UGT1A7: variants seen among roughly 807,000 people sequenced by gnomAD.
The protein encoded by UGT1A7 is UDP glucuronosyltransferase family 1 member A7.
In UGT1A7, 33 loss-of-function variants were observed where a neutral mutation model predicts 45.6. The observed-to-expected ratio is 0.72, with a 90% CI of 0.55 to 0.97. The LOEUF is 0.97. Ranked by LOEUF, UGT1A7 falls within the 50% of genes least tolerant of loss-of-function variation. UGT1A7 has a pLI of 0.00. For synonymous variants in UGT1A7, 274 were observed against 250.6 expected (o/e 1.09, Z -0.88); for missense variants, 684 against 666.2 (o/e 1.03, Z -0.29).
At chr2:233,756,457 C>A (rs1258626961) in intron 1 of UGT1A7, 1 of 151,910 alleles carries the variant, frequency 6.6e-6, no homozygotes, top group Non-Finnish European at 1.5e-5. Context: ...CAAATATTTT[C>A]AATCTGCTGT....
At chr2:233,726,457 C>G (rs1196256616) in intron 1 of UGT1A7, among the ~76,000 whole-genome samples, 2 of 152,164 alleles carry the variant, frequency 1.3e-5, no homozygotes, top group Admixed American at 1.3e-4. Context: ...TGAATGTAAG[C>G]TCATTTCTTT....
chr2:233,708,078 C>T (rs2076003299), intron 1 of UGT1A7, among the ~76,000 whole-genome samples: 1 of 152,190 alleles, frequency 6.6e-6, no homozygotes, highest in South Asian at 2.1e-4. Flanking sequence ...TTGCTTTTTA[C>T]TTTTATTCAA....
chr2:233,730,990 C>T (rs2078094709), intron 1 of UGT1A7, among the ~76,000 whole-genome samples: 1 of 152,140 alleles, frequency 6.6e-6, no homozygotes, highest in Non-Finnish European at 1.5e-5. Context: ...TTTCTTATTC[C>T]TTGCTGTGCC....
At chr2:233,748,119 A>G (rs1693871947) in intron 1 of UGT1A7, 2 of 1,611,514 alleles carry the variant, frequency 1.2e-6, no homozygotes, top group Admixed American at 1.7e-5. Flanking sequence ...GTTCCAGGCA[A>G]AACAGTTTTT....
intron 1 of UGT1A7, among the ~76,000 whole-genome samples, chr2:233,750,198 C>T (rs914711353): frequency 6.6e-6 from 1 of 151,796 alleles, no homozygotes; most frequent in African/African-American, 2.4e-5. Context: ...ACAATGAAGT[C>T]CAGGCTGAGT....
At chr2:233,762,311 G>T (rs1026120967) in intron 1 of UGT1A7, among the ~76,000 whole-genome samples, 9 of 152,158 alleles carry the variant, frequency 5.9e-5, no homozygotes, top group African/African-American at 2.2e-4. Context: ...CTAGTTAATG[G>T]GTCGAGAGTA....
At chr2:233,708,724 C>G (rs1198827860) in intron 1 of UGT1A7, 1 of 152,188 alleles carries the variant, frequency 6.6e-6, no homozygotes, top group Non-Finnish European at 1.5e-5. Flanking sequence ...GCACCTCAGC[C>G]TGGGCAACAG....
Position 233,767,101 on chromosome 2 carries a change from T to C in UGT1A7, c.923T>C (p.Val308Ala). ...GIVVFSLGSM[V>A]SEIPEKKAMA... ...GTGGTTTTCTCTTTGGGATCAATGG[T>C]CTCAGAAATTCCAGAGAAGAAAGCT... Residue 308 changes from valine to alanine, a missense_variant, in exon 2 of 5, where the codon GTC (valine) becomes GCC (alanine). Val to Ala is a moderately conservative substitution (Grantham distance 64). Coordinates refer to ENST00000373426, the MANE Select transcript of UGT1A7 (RefSeq NM_019077.3). The C allele has an allele frequency of 6.2e-7, 1 of 1,614,160 alleles. No individual in the cohort carries two copies. The highest frequency in any genetic ancestry group is 8.5e-7 in the Non-Finnish European group (1 of 1,180,020).
At chr2:233,768,197 A>G in intron 3 of UGT1A7, 23 bp from the exon 4 acceptor site, 3 of 1,614,174 alleles carry the variant, frequency 1.9e-6, no homozygotes, top group Non-Finnish European at 2.5e-6. Context: ...AACTGCTGAC[A>G]TCCTCCCTAT....
At chr2:233,693,942 C>G in intron 1 of UGT1A7, 1 of 1,601,216 alleles carries the variant, frequency 6.2e-7, no homozygotes, top group Non-Finnish European at 8.5e-7. Flanking sequence ...GCTCCTTGAG[C>G]CGACTGTCCC....
chr2:233,682,355 A>T lies in UGT1A7; in HGVS notation c.418A>T (p.Ser140Cys), dbSNP rs1273603871. 15 of 1,613,838 alleles carry T rather than the reference A, an allele frequency of 9.3e-6. No homozygotes were observed. Among genetic ancestry groups the T allele is most frequent in the South Asian group, 6.6e-5 (6 of 91,070 alleles). The change falls in exon 1 of 5, where the codon AGT (serine) becomes TGT (cysteine). Residue 140 changes from serine (S) to cysteine (C), a missense_variant. Coordinates refer to ENST00000373426, the MANE Select transcript of UGT1A7 (RefSeq NM_019077.3). ...AAAATTAGTAGAATACTTAAAGGAGAGTTGTTTTGATGCAGTGTTTCTCGA... is the reference window on the plus strand; with the variant it reads ...AAAATTAGTAGAATACTTAAAGGAGTGTTGTTTTGATGCAGTGTTTCTCGA... ...DRKLVEYLKE[S>C]CFDAVFLDPF...
intron 1 of UGT1A7, chr2:233,756,286 A>G (rs1696165566): frequency 6.6e-6 from 1 of 152,218 alleles, no homozygotes; most frequent in African/African-American, 2.4e-5. Flanking sequence ...ATAAAATGAC[A>G]CAGTATTTGT....
At chr2:233,692,958 G>T (rs753851963) in intron 1 of UGT1A7, 3 of 1,607,532 alleles carry the variant, frequency 1.9e-6, no homozygotes, top group Non-Finnish European at 1.7e-6. Context: ...CTGTGATTTG[G>T]AGAGTGAAAA....
At chr2:233,709,749 A>T (rs2076089896) in intron 1 of UGT1A7, among the ~76,000 whole-genome samples, 1 of 152,214 alleles carries the variant, frequency 6.6e-6, no homozygotes, top group African/African-American at 2.4e-5. Flanking sequence ...TAAAATAAAC[A>T]TTATTGGAGT....
intron 1 of UGT1A7, among the ~76,000 whole-genome samples, chr2:233,694,844 C>A (rs2075243511): frequency 6.6e-6 from 1 of 152,268 alleles, no homozygotes; most frequent in East Asian, 1.9e-4. Context: ...TGTCAGGATT[C>A]TTTTAATTGG....
intron 1 of UGT1A7, among the ~76,000 whole-genome samples, chr2:233,696,091 T>TCAAAA (rs918260053): frequency 2.6e-4 from 39 of 152,170 alleles, no homozygotes; most frequent in Admixed American, 1.9e-3. Flanking sequence ...TGGAGAGTCT[T>TCAAAA]CAAAACAAAA....
chr2:233,738,524 A>G (rs553988769), intron 1 of UGT1A7, among the ~76,000 whole-genome samples: 1 of 152,322 alleles, frequency 6.6e-6, no homozygotes, highest in South Asian at 2.1e-4. Context: ...TGTTGTGGAC[A>G]ATGAAGTCCA....
chr2:233,724,386 G>A (rs1217254636), intron 1 of UGT1A7, among the ~76,000 whole-genome samples: 4 of 141,148 alleles, frequency 2.8e-5, no homozygotes, highest in Non-Finnish European at 3.1e-5. Flanking sequence ...GGGCGGAGAC[G>A]CTCCTCACTT....
chr2:233,769,533 A>G lies in UGT1A7; in HGVS notation c.1295+1094A>G. The G allele has an allele frequency of 6.2e-7, 1 of 1,612,916 alleles. No homozygotes were observed. The highest frequency in any genetic ancestry group is 8.5e-7 in the Non-Finnish European group (1 of 1,179,872). On this transcript the variant is annotated intron_variant, in intron 4 of 4. Transcript: ENST00000373426. The surrounding 1 kb of genome is among the most constrained non-coding windows in gnomAD (Gnocchi z 4.4). Reference sequence around the variant, plus strand: ...TCTCCCATGGTTACCTCCTTTAGAAAGAAGCAGCAGTCAGGAAGACAGATG... The same window carrying G: ...TCTCCCATGGTTACCTCCTTTAGAAGGAAGCAGCAGTCAGGAAGACAGATG...
Sources: allele counts gnomAD v4.1 joint callset (sites outside exome capture counted in the v4.1 genomes callset), GRCh38; gene constraint gnomAD v4.1.1; non-coding constraint Gnocchi (gnomAD v3.1); transcripts MANE v1.5; gene names NCBI Gene and HGNC (gene_info 2026-07-23, HGNC 2026-07-21).